The following CATSPERB variants were observed in gnomAD, a reference collection of about 807,000 sequenced individuals.
The protein encoded by CATSPERB is catsper channel auxiliary subunit beta, also known as cation channel sperm-associated auxiliary subunit beta.
In CATSPERB, 93 loss-of-function variants were observed where a neutral mutation model predicts 128.3. That is an observed-to-expected ratio of 0.72 (90% CI 0.61 to 0.86). CATSPERB has a LOEUF of 0.86. Ranked by LOEUF, CATSPERB falls within the 40% of genes least tolerant of loss-of-function variation. The pLI is 0.00. For missense variants in CATSPERB, 1,153 were observed against 1,329.5 expected (o/e 0.87, Z 2.06); for synonymous variants, 381 against 448.8 (o/e 0.85, Z 1.91).
chr14:91,693,986 C>T (rs1396575659), intron 7 of CATSPERB, among the ~76,000 whole-genome samples: 1 of 152,184 alleles, frequency 6.6e-6, no homozygotes, highest in East Asian at 1.9e-4. Flanking sequence ...TATATATTTT[C>T]TAGTCACAAC....
chr14:91,658,047 A>G (rs1339844380), intron 15 of CATSPERB, among the ~76,000 whole-genome samples: 1 of 148,088 alleles, frequency 6.8e-6, no homozygotes, highest in Non-Finnish European at 1.5e-5. Context: ...TACCCCCCAA[A>G]AAAGAGATCA....
rs760114399 is a variant in CATSPERB at position 91,708,237 on chromosome 14, C to T, written c.371-1G>A. On this transcript the variant is annotated splice_acceptor_variant, in intron 5 of 26. Coordinates refer to ENST00000256343, the MANE Select transcript of CATSPERB (RefSeq NM_024764.4). LOFTEE classifies it high-confidence loss of function. Reference sequence around the variant, plus strand: ...AACCATTCTTCTACAGCTGCAATATCTGTTTGAAAACAAAAGGCAAATAAT... The same window carrying T: ...AACCATTCTTCTACAGCTGCAATATTTGTTTGAAAACAAAAGGCAAATAAT... 1.3e-6 allele frequency: 2 copies of T among 1,587,690 alleles called. No individual in the cohort carries two copies. The highest frequency in any genetic ancestry group is 2.7e-5 in the African/African-American group (2 of 73,972).
At chr14:91,713,958 C>T (rs1256191257) in intron 5 of CATSPERB, among the ~76,000 whole-genome samples, 1 of 152,060 alleles carries the variant, frequency 6.6e-6, no homozygotes, top group East Asian at 1.9e-4. Context: ...TACATCATGA[C>T]CAAGTGTTGT....
At chr14:91,722,500 G>T (rs960404321) in intron 4 of CATSPERB, among the ~76,000 whole-genome samples, 4 of 152,098 alleles carry the variant, frequency 2.6e-5, no homozygotes, top group African/African-American at 9.7e-5. Flanking sequence ...GGGAGTGGAG[G>T]GGGGATTGGG....
intron 15 of CATSPERB, among the ~76,000 whole-genome samples, chr14:91,654,132 G>C (rs1468829635): frequency 6.6e-6 from 1 of 152,142 alleles, no homozygotes; most frequent in African/African-American, 2.4e-5. Flanking sequence ...GAAAAAGAGG[G>C]ATTATAGAGA....
rs1046630870 is a variant in CATSPERB, at chr14:91,651,344, C to G, written c.1432+8493G>C. Among the ~76,000 whole-genome samples the G allele has an allele frequency of 2.0e-5, 3 of 152,292 alleles. No homozygotes were observed. In the East Asian group the frequency reaches 5.8e-4, roughly 29 times the overall value. On this transcript the variant is annotated intron_variant, in intron 15 of 26. Coordinates refer to ENST00000256343, the MANE Select transcript of CATSPERB (RefSeq NM_024764.4). Reference sequence around the variant, plus strand: ...TTTGACTGGGCTTTAGTAATGCCATCTATCTATCTTATCCCCCCTCTAAGC... The same window carrying G: ...TTTGACTGGGCTTTAGTAATGCCATGTATCTATCTTATCCCCCCTCTAAGC...
Position 91,621,884 on chromosome 14 carries a change from C to T in CATSPERB, c.1984G>A (p.Gly662Arg), listed in dbSNP as rs144133555. ...TDIEKTVVLP[G>R]YSSFLITSIL... ...CTTGTGATGAGGAAGCTGCTGTACC[C>T]GGGAAGCACTACAGTCTTCTCTATA... is the stretch of plus-strand genomic sequence containing the variant. Residue 662 changes from glycine to arginine, a missense_variant, in exon 19 of 27, where the codon GGG becomes AGG. Transcript: ENST00000256343. 20 of 1,613,656 alleles carry T rather than the reference C, an allele frequency of 1.2e-5. No homozygotes were observed. In the East Asian group the frequency reaches 4.5e-4, roughly 36 times the overall value.
At chr14:91,723,226 C>CA in intron 3 of CATSPERB, 37 bp from the exon 4 acceptor site, 7 of 1,406,302 alleles carry the variant, frequency 5.0e-6, no homozygotes, top group Non-Finnish European at 6.5e-6. Context: ...CAACTAATAA[C>CA]CACTTGATGC....
At chr14:91,689,632 C>T (rs1895432354) in intron 10 of CATSPERB, among the ~76,000 whole-genome samples, 1 of 151,860 alleles carries the variant, frequency 6.6e-6, no homozygotes, top group African/African-American at 2.4e-5. Context: ...ACTGTTTTAC[C>T]TCATAGTTTT....
chr14:91,620,952 C>T (rs925681184), intron 19 of CATSPERB, among the ~76,000 whole-genome samples: 22 of 152,084 alleles, frequency 1.4e-4, no homozygotes, highest in African/African-American at 5.3e-4. Flanking sequence ...ATAACAATAC[C>T]AAAGTAATTA....
intron 11 of CATSPERB, among the ~76,000 whole-genome samples, chr14:91,674,467 T>C (rs1895155412): frequency 6.6e-6 from 1 of 152,212 alleles, no homozygotes; most frequent in South Asian, 2.1e-4. Context: ...ATGTTTTTTA[T>C]TTTAGGCCAT....
intron 7 of CATSPERB, 48 bp downstream of exon 7, chr14:91,704,504 C>A: frequency 6.5e-7 from 1 of 1,547,540 alleles, no homozygotes; most frequent in Non-Finnish European, 8.7e-7. Flanking sequence ...ATTACTGTTA[C>A]AAAATATAAA....
intron 5 of CATSPERB, among the ~76,000 whole-genome samples, chr14:91,716,585 CCAAACAAATAAA>C (rs1365386388): frequency 1.3e-5 from 2 of 151,904 alleles, no homozygotes; most frequent in Non-Finnish European, 2.9e-5. Context: ...TCAAAAAAAT[CCAAACAAATAAA>C]CAAACAAACA....
At chr14:91,706,439 G>A (rs1269663573) in intron 6 of CATSPERB, among the ~76,000 whole-genome samples, 2 of 152,136 alleles carry the variant, frequency 1.3e-5, no homozygotes, top group African/African-American at 4.8e-5. Flanking sequence ...CTGAAGTCAG[G>A]TAGTATATCT....
intron 13 of CATSPERB, among the ~76,000 whole-genome samples, chr14:91,671,445 G>A (rs1460829442): frequency 6.6e-6 from 1 of 151,704 alleles, no homozygotes; most frequent in Non-Finnish European, 1.5e-5. Context: ...TGTGGTGGTG[G>A]GCACCTGTAA....
Position 91,610,345 on chromosome 14 carries a change from A to G in CATSPERB, c.2598+135T>C, listed in dbSNP as rs903807715. On this transcript the variant is annotated intron_variant, in intron 21 of 26. Coordinates refer to ENST00000256343, the MANE Select transcript of CATSPERB (RefSeq NM_024764.4). ...GAAATCATCACATCCTCAAAATGAC[A>G]TGAGGATTAAAAAATAACTGTGAAG... 6.1e-6 allele frequency: 4 copies of G among 651,060 alleles called. No homozygotes were observed. The African/African-American group carries it at 7.3e-5, about 12-fold the overall frequency. The allele number at this position is 651,060 out of a possible 1,614,324, so 40.3% of individuals were successfully genotyped here. A position where few individuals can be genotyped will look rare whatever the true frequency, so the allele number is the denominator to read the frequency against.
At chr14:91,618,534 A>G (rs1893986809) in intron 19 of CATSPERB, among the ~76,000 whole-genome samples, 1 of 152,254 alleles carries the variant, frequency 6.6e-6, no homozygotes. Flanking sequence ...AAGGTCTCCA[A>G]TAATACTGGC....
chr14:91,600,516 A>C (rs1485380167), intron 22 of CATSPERB, among the ~76,000 whole-genome samples: 1 of 152,250 alleles, frequency 6.6e-6, no homozygotes, highest in Non-Finnish European at 1.5e-5. Flanking sequence ...TAAGAATTTA[A>C]TGTGTAAACA....
rs139112971 is a variant in CATSPERB at position 91,693,220 on chromosome 14, T to C, written c.737A>G (p.Asp246Gly). Residue 246 changes from aspartate (D) to glycine (G), a missense_variant, in exon 9 of 27, where the codon GAT (aspartate) becomes GGT (glycine). By Grantham distance (94) the Asp-to-Gly change is moderately conservative (BLOSUM62 -1). Transcript: ENST00000256343. Reference sequence around the variant, plus strand: ...TAAAAAATGATTCGTTAAAACCATATCCACCAATGAAAGGTCTTCATATTC... The same window carrying C: ...TAAAAAATGATTCGTTAAAACCATACCCACCAATGAAAGGTCTTCATATTC... ...QEEYEDLSLV[D>G]MVLTNHFLVI... The C allele has an allele frequency of 2.5e-6, 4 of 1,613,290 alleles. No individual in the cohort carries two copies. The African/African-American group carries it at 4.0e-5, about 16-fold the overall frequency.
Sources: gnomAD v4.1 joint callset for allele counts (sites outside exome capture counted in the v4.1 genomes callset) on GRCh38, gnomAD v4.1.1 for gene constraint, MANE v1.5 for transcripts, NCBI Gene and HGNC (gene_info 2026-07-23, HGNC 2026-07-21) for gene names.